MTM1: variants seen among roughly 807,000 people sequenced by gnomAD.
The protein encoded by MTM1 is myotubularin 1.
A neutral mutation model predicts 52.1 loss-of-function variants in MTM1; 9 were observed. That is an observed-to-expected ratio of 0.17 (90% CI 0.10 to 0.30). The LOEUF is 0.30. Ranked by LOEUF, MTM1 falls within the 10% of genes least tolerant of loss-of-function variation. The probability of loss-of-function intolerance (pLI) is 1.00; values close to 1 mark genes in which losing one functional copy is unlikely to be tolerated. For missense variants in MTM1, 277 were observed against 470.7 expected, an observed-to-expected ratio of 0.59 and a Z score of 3.81; for synonymous variants, 136 against 163.8, an observed-to-expected ratio of 0.83 and a Z score of 1.29.
At chrX:150,653,558 A>G (rs1315291533) in intron 10 of MTM1, among the ~76,000 whole-genome samples, 2 of 112,420 alleles carry the variant, frequency 1.8e-5, no homozygotes, top group Non-Finnish European at 3.8e-5. Flanking sequence ...TCAGCCTTCT[A>G]TACTATCTTA....
chrX:150,623,236 C>G (rs1376073215), intron 6 of MTM1, among the ~76,000 whole-genome samples: 2 of 111,234 alleles, frequency 1.8e-5, no homozygotes, highest in Non-Finnish European at 1.9e-5. Flanking sequence ...AAAGGATTAA[C>G]AGGATGTCAT....
chrX:150,628,266 AT>A (rs2039604012), intron 6 of MTM1, among the ~76,000 whole-genome samples: 1 of 111,629 alleles, frequency 9.0e-6, no homozygotes, highest in African/African-American at 3.3e-5. Context: ...TATATCCAGC[AT>A]TTTTAGGTGT....
intron 5 of MTM1, among the ~76,000 whole-genome samples, chrX:150,616,663 C>T (rs1017153126): frequency 9.0e-6 from 1 of 111,160 alleles, no homozygotes; most frequent in Non-Finnish European, 1.9e-5. Context: ...ACCCCTGGTG[C>T]CTGTGTGGAG....
At chrX:150,617,002 TGGAACTTACC>T (rs2039398245) in intron 5 of MTM1, among the ~76,000 whole-genome samples, 1 of 112,234 alleles carries the variant, frequency 8.9e-6, no homozygotes, top group Non-Finnish European at 1.9e-5. Context: ...GGAGACCAGG[TGGAACTTACC>T]AGTTAGTCTG....
intron 6 of MTM1, 146 bp from the exon 7 acceptor site, chrX:150,638,794 TTTG>T (rs782280124): frequency 2.4e-4 from 107 of 451,153 alleles, no homozygotes; most frequent in Middle Eastern, 6.2e-4. Flanking sequence ...ACTGTTTTTT[TTTG>T]TTGTTGTTGT....
intron 14 of MTM1, among the ~76,000 whole-genome samples, chrX:150,667,119 C>T (rs2040316731): frequency 8.9e-6 from 1 of 112,134 alleles, no homozygotes; most frequent in Non-Finnish European, 1.9e-5. Flanking sequence ...TAGCTGCTCA[C>T]CTCACCCAGA....
intron 5 of MTM1, among the ~76,000 whole-genome samples, chrX:150,617,130 TAATC>T (rs1285513622): frequency 8.8e-6 from 1 of 113,015 alleles, no homozygotes; most frequent in Non-Finnish European, 1.9e-5. Context: ...AATTGCATCT[TAATC>T]AGATGGCAAA....
At chrX:150,640,564 A>G (rs2039831032) in intron 7 of MTM1, among the ~76,000 whole-genome samples, 1 of 112,105 alleles carries the variant, frequency 8.9e-6, no homozygotes, top group African/African-American at 3.2e-5. Context: ...GATCTTTTCC[A>G]TACTAAATAC....
intron 14 of MTM1, among the ~76,000 whole-genome samples, chrX:150,667,253 C>G (rs1557414978): frequency 9.0e-6 from 1 of 111,700 alleles, no homozygotes; most frequent in Non-Finnish European, 1.9e-5. Context: ...TTCAGCCAGA[C>G]TGGCCTCTGC....
rs2148485707 is a variant in MTM1, at chrX:150,638,944, C to G, written c.446C>G (p.Pro149Arg). Reference sequence around the variant, plus strand: ...TTATTTATTTTTTGCCTTTTCTAGCCATTATTTGCATTTTTAAATGAAGAA... The same window carrying G: ...TTATTTATTTTTTGCCTTTTCTAGCGATTATTTGCATTTTTAAATGAAGAA... ...RYAFPLAHSL[P>R]LFAFLNEEKF... The change falls in exon 7 of 15, where the codon CCA becomes CGA. Residue 149 changes from proline to arginine, a missense_variant and splice_region_variant. By Grantham distance (103) the Pro-to-Arg change is moderately radical (BLOSUM62 -2). This residue lies in a region of MTM1 where 164 missense variants were observed against 283.3 expected (regional missense o/e 0.58). Coordinates refer to ENST00000370396, the MANE Select transcript of MTM1 (RefSeq NM_000252.3). 1 of 1,195,150 alleles carries G rather than the reference C, an allele frequency of 8.4e-7. No homozygotes were observed. The highest frequency in any genetic ancestry group is 1.1e-6 in the Non-Finnish European group (1 of 880,918).
chrX:150,661,833 T>C (rs974394873), intron 13 of MTM1, among the ~76,000 whole-genome samples: 2 of 111,524 alleles, frequency 1.8e-5, no homozygotes, highest in Non-Finnish European at 3.8e-5. Context: ...CCTTCAGTTA[T>C]AAGTACTAAA....
intron 14 of MTM1, among the ~76,000 whole-genome samples, chrX:150,668,016 C>A (rs2040331581): frequency 8.9e-6 from 1 of 112,187 alleles, no homozygotes; most frequent in African/African-American, 3.2e-5. Flanking sequence ...GGCCCTAAAT[C>A]CAATGACAGA....
intron 3 of MTM1, among the ~76,000 whole-genome samples, chrX:150,597,898 G>C (rs1186047179): frequency 9.0e-6 from 1 of 110,764 alleles, no homozygotes; most frequent in Non-Finnish European, 1.9e-5. Flanking sequence ...ACCAGCCTGG[G>C]CAACACAGCA....
intron 8 of MTM1, among the ~76,000 whole-genome samples, chrX:150,643,349 C>G (rs1048710148): frequency 7.2e-5 from 8 of 111,794 alleles, no homozygotes; most frequent in African/African-American, 2.6e-4. Context: ...TATGTATTCT[C>G]TTATTCTCAA....
intron 6 of MTM1, among the ~76,000 whole-genome samples, chrX:150,633,741 A>C (rs1379646985): frequency 8.9e-6 from 1 of 112,085 alleles, no homozygotes; most frequent in Non-Finnish European, 1.9e-5. Context: ...ATCCAGAAAG[A>C]AGCAGTTGGG....
intron 4 of MTM1, among the ~76,000 whole-genome samples, chrX:150,603,180 T>C (rs1368698008): frequency 8.9e-6 from 1 of 112,056 alleles, no homozygotes; most frequent in East Asian, 2.8e-4. Flanking sequence ...ATCGCATGTA[T>C]AACAATATGG....
At chrX:150,583,668 TTATA>T (rs1305912615) in intron 1 of MTM1, among the ~76,000 whole-genome samples, 3 of 37,817 alleles carry the variant, frequency 7.9e-5, no homozygotes, top group African/African-American at 1.1e-4. Flanking sequence ...TATATATAAT[TTATA>T]TATAAATAAT....
chrX:150,670,811 A>G (rs1557415114), intron 14 of MTM1, among the ~76,000 whole-genome samples: 1 of 111,696 alleles, frequency 9.0e-6, no homozygotes, highest in Non-Finnish European at 1.9e-5. Context: ...TCAGTACAGC[A>G]TTGAACACAC....
intron 4 of MTM1, among the ~76,000 whole-genome samples, chrX:150,611,506 A>G (rs1447667487): frequency 8.9e-6 from 1 of 112,046 alleles, no homozygotes; most frequent in East Asian, 2.8e-4. Flanking sequence ...TTATTTTGAA[A>G]TAATTATGAG....
Sources: gnomAD v4.1 joint callset for allele counts (sites outside exome capture counted in the v4.1 genomes callset) on GRCh38, gnomAD v4.1.1 for gene constraint, gnomAD v4.1.1 regional missense constraint, MANE v1.5 for transcripts, NCBI Gene and HGNC (gene_info 2026-07-23, HGNC 2026-07-21) for gene names.